LRRC4C: variants seen among roughly 807,000 people sequenced by gnomAD.
LRRC4C encodes the protein leucine rich repeat containing 4C.
Under a neutral mutation model 33.6 loss-of-function variants are expected in LRRC4C, and 5 were observed. That is an observed-to-expected ratio of 0.15 (90% CI 0.08 to 0.31). The LOEUF (loss-of-function observed/expected upper bound fraction) is 0.31. LRRC4C is among the 10% of genes least tolerant of loss of function. The pLI is 1.00. For missense variants in LRRC4C, 560 were observed against 796.7 expected, an observed-to-expected ratio of 0.70 and a Z score of 3.58; for synonymous variants, 329 against 302.0, an observed-to-expected ratio of 1.09 and a Z score of -0.93.
chr11:40,684,072 A>G (rs1944837408), intron 2 of LRRC4C, among the ~76,000 whole-genome samples: 1 of 152,188 alleles, frequency 6.6e-6, no homozygotes, highest in South Asian at 2.1e-4. Flanking sequence ...ACAACGTTAC[A>G]AAATACTTAC....
intron 2 of LRRC4C, among the ~76,000 whole-genome samples, chr11:40,906,127 G>A (rs1385340018): frequency 1.3e-5 from 2 of 152,164 alleles, no homozygotes; most frequent in African/African-American, 2.4e-5. Context: ...ATTAACACTT[G>A]CTAAAAGCTT....
At chr11:40,457,687 A>G (rs10742540) in intron 3 of LRRC4C, among the ~76,000 whole-genome samples, 151,614 of 152,224 alleles carry the variant, frequency 1, 75,510 homozygotes, top group Middle Eastern at 1. Flanking sequence ...CCTGTTAAAT[A>G]AATCTGCAAT....
At chr11:40,260,269 T>C (rs1239645554) in intron 4 of LRRC4C, among the ~76,000 whole-genome samples, 10 of 129,126 alleles carry the variant, frequency 7.7e-5, no homozygotes, top group Admixed American at 2.5e-4. Flanking sequence ...ATGGATGAAA[T>C]TGGAAATCAT....
intron 1 of LRRC4C, among the ~76,000 whole-genome samples, chr11:41,137,716 A>C (rs1278743381): frequency 6.6e-6 from 1 of 152,214 alleles, no homozygotes. Context: ...TAAAACAAAC[A>C]AGGTATCCTT....
intron 2 of LRRC4C, among the ~76,000 whole-genome samples, chr11:40,881,838 A>C (rs1955192565): frequency 2.0e-5 from 3 of 152,088 alleles, no homozygotes; most frequent in Admixed American, 2.0e-4. Context: ...TATATATTTT[A>C]ATAAACTTGT....
chr11:41,345,140 T>C (rs968919845), intron 1 of LRRC4C, among the ~76,000 whole-genome samples: 1 of 152,234 alleles, frequency 6.6e-6, no homozygotes, highest in Non-Finnish European at 1.5e-5. Context: ...CATGAAAAGA[T>C]GGCTGATTTG....
At chr11:40,319,049 T>C (rs1239846423) in intron 4 of LRRC4C, among the ~76,000 whole-genome samples, 3 of 152,132 alleles carry the variant, frequency 2.0e-5, no homozygotes, top group Non-Finnish European at 4.4e-5. Flanking sequence ...CTAAAGAGCA[T>C]TTTTCCTTTT....
At chr11:41,169,017 G>A (rs1344492215) in intron 1 of LRRC4C, among the ~76,000 whole-genome samples, 1 of 152,126 alleles carries the variant, frequency 6.6e-6, no homozygotes, top group African/African-American at 2.4e-5. Flanking sequence ...TTGCAAACAA[G>A]AAGATGAACT....
At chr11:40,130,174 A>C (rs1048200676) in intron 6 of LRRC4C, among the ~76,000 whole-genome samples, 8 of 152,148 alleles carry the variant, frequency 5.3e-5, no homozygotes. Flanking sequence ...CCAGAGAAAA[A>C]TATTTAAAAT....
intron 5 of LRRC4C, among the ~76,000 whole-genome samples, chr11:40,179,533 TG>T (rs1363188668): frequency 6.6e-6 from 1 of 152,188 alleles, no homozygotes. Context: ...ATGAGTTTCT[TG>T]GCCTCCTTTG....
intron 3 of LRRC4C, among the ~76,000 whole-genome samples, chr11:40,604,556 T>C (rs1473249183): frequency 5.3e-5 from 8 of 152,012 alleles, no homozygotes; most frequent in Admixed American, 5.2e-4. Context: ...TAAAATCTGG[T>C]TTGAGTTTAT....
At chr11:40,890,833 T>A (rs1435671597) in intron 2 of LRRC4C, among the ~76,000 whole-genome samples, 2 of 151,656 alleles carry the variant, frequency 1.3e-5, no homozygotes, top group Admixed American at 6.6e-5. Flanking sequence ...ATTGTTAAAA[T>A]AAGAGCAACA....
At chr11:41,241,832 T>G (rs542653067) in intron 1 of LRRC4C, among the ~76,000 whole-genome samples, 15 of 152,308 alleles carry the variant, frequency 9.8e-5, no homozygotes, top group African/African-American at 3.6e-4. Context: ...CTCTCTGTTG[T>G]GCTCAGTGCA....
intron 3 of LRRC4C, among the ~76,000 whole-genome samples, chr11:40,566,086 G>GTTTTTTTTTTTTTTTTTTTTTTTTTT: frequency 8.4e-4 from 53 of 62,728 alleles, no homozygotes; most frequent in East Asian, 1.9e-3. Context: ...TTTTTACTAA[G>GTTTTTTTTTTTTTTTTTTTTTTTTTT]TTTTTTTTTT....
chr11:41,207,285 T>C (rs1385310866), intron 1 of LRRC4C, among the ~76,000 whole-genome samples: 1 of 152,148 alleles, frequency 6.6e-6, no homozygotes, highest in East Asian at 1.9e-4. Flanking sequence ...TGTCTGGACA[T>C]CAGTCTTTTT....
chr11:40,527,581 G>A (rs550463632), intron 3 of LRRC4C, among the ~76,000 whole-genome samples: 1 of 152,106 alleles, frequency 6.6e-6, no homozygotes, highest in East Asian at 1.9e-4. Context: ...ACAATAGGAT[G>A]GATGGCAGTA....
chr11:40,604,815 G>A (rs1219047223), intron 3 of LRRC4C, among the ~76,000 whole-genome samples: 1 of 151,952 alleles, frequency 6.6e-6, no homozygotes, highest in Non-Finnish European at 1.5e-5. Context: ...AAGAAAAAAG[G>A]TAGCATGAAG....
At chr11:40,635,281 T>C (rs909798304) in intron 3 of LRRC4C, among the ~76,000 whole-genome samples, 4 of 152,180 alleles carry the variant, frequency 2.6e-5, no homozygotes, top group Non-Finnish European at 5.9e-5. Flanking sequence ...TAAATCTCAA[T>C]TATAATTAAG....
chr11:41,255,473 A>T (rs1162968579), intron 1 of LRRC4C, among the ~76,000 whole-genome samples: 1 of 152,044 alleles, frequency 6.6e-6, no homozygotes, highest in Non-Finnish European at 1.5e-5. Context: ...CCATCTAGAC[A>T]AATTGAGGCA....
Sources: gnomAD v4.1 joint callset for allele counts (sites outside exome capture counted in the v4.1 genomes callset) on GRCh38, gnomAD v4.1.1 for gene constraint, MANE v1.5 for transcripts, NCBI Gene and HGNC (gene_info 2026-07-23, HGNC 2026-07-21) for gene names.